Variants in TM7SF3 observed in about 807,000 individuals in gnomAD.
TM7SF3 encodes transmembrane 7 superfamily member 3.
TM7SF3 carries 60 observed loss-of-function variants against 65.5 expected under a neutral mutation model. The ratio of observed to expected loss-of-function variants is 0.92; its 90% CI spans 0.74 to 1.14. The LOEUF (loss-of-function observed/expected upper bound fraction) is 1.14, where lower values mean the gene tolerates loss of function less well. Ranked by LOEUF, TM7SF3 falls within the 50% of genes most tolerant of loss-of-function variation. The probability of loss-of-function intolerance (pLI) is 0.00; values close to 1 mark genes in which losing one functional copy is unlikely to be tolerated. For missense variants in TM7SF3, 623 were observed against 684.8 expected, an observed-to-expected ratio of 0.91 and a Z score of 1.01; for synonymous variants, 264 against 259.6, an observed-to-expected ratio of 1.02 and a Z score of -0.16.
At chr12:27,002,807 T>G (rs1940887493) in intron 2 of TM7SF3, among the ~76,000 whole-genome samples, 1 of 152,076 alleles carries the variant, frequency 6.6e-6, no homozygotes, top group Non-Finnish European at 1.5e-5. Context: ...CGTGACAGAG[T>G]CCAAAGAATA....
intron 11 of TM7SF3, 86 bp from the exon 12 acceptor site, chr12:26,974,313 T>TAAGGAG: frequency 7.3e-7 from 1 of 1,375,362 alleles, no homozygotes. Context: ...ACTAAATCTG[T>TAAGGAG]ATATTCCTTT....
intron 6 of TM7SF3, among the ~76,000 whole-genome samples, chr12:26,986,038 C>T (rs1043182430): frequency 1.3e-5 from 2 of 151,218 alleles, no homozygotes; most frequent in African/African-American, 4.9e-5. Flanking sequence ...CTGTGTTAGC[C>T]AGGATGGTCT....
intron 5 of TM7SF3, among the ~76,000 whole-genome samples, chr12:26,994,686 G>C (rs1044742000): frequency 4.6e-5 from 7 of 152,224 alleles, no homozygotes; most frequent in African/African-American, 1.7e-4. Flanking sequence ...TTCTGATTCA[G>C]TAGTTCCAGG....
chr12:26,984,026 G>A (rs1226035398), intron 6 of TM7SF3, among the ~76,000 whole-genome samples: 1 of 152,144 alleles, frequency 6.6e-6, no homozygotes, highest in African/African-American at 2.4e-5. Context: ...TCAGAATGGA[G>A]AAACCATGAA....
At chr12:27,006,149 T>C (rs1941026011) in intron 1 of TM7SF3, among the ~76,000 whole-genome samples, 1 of 147,548 alleles carries the variant, frequency 6.8e-6, no homozygotes, top group African/African-American at 2.5e-5. Context: ...TCTTTTTTTT[T>C]TTTTTTTTGA....
intron 6 of TM7SF3, among the ~76,000 whole-genome samples, chr12:26,985,666 TATATATATATATAC>T (rs1317862275): frequency 5.7e-5 from 7 of 123,630 alleles, no homozygotes; most frequent in Admixed American, 5.3e-4. Flanking sequence ...TATATATATA[TATATATATATATAC>T]ACACACACAA....
At chr12:27,002,062 G>A (rs148135300) in intron 2 of TM7SF3, among the ~76,000 whole-genome samples, 39 of 152,046 alleles carry the variant, frequency 2.6e-4, no homozygotes, top group African/African-American at 6.5e-4. Flanking sequence ...ACGCACACAC[G>A]TGCACAACCA....
intron 5 of TM7SF3, 91 bp from the exon 6 acceptor site, chr12:26,990,718 T>C (rs953925042): frequency 1.7e-5 from 16 of 935,188 alleles, no homozygotes; most frequent in Non-Finnish European, 2.6e-5. Flanking sequence ...TTAAATGGTA[T>C]ATTCATAAAT....
chr12:26,999,801 T>C, intron 2 of TM7SF3, 125 bp from the exon 3 acceptor site: 4 of 954,074 alleles, frequency 4.2e-6, no homozygotes, highest in Non-Finnish European at 6.1e-6. Context: ...AAACCTTCCT[T>C]AAATAACCAG....
At chr12:26,974,482 G>T (rs917061492) in intron 11 of TM7SF3, among the ~76,000 whole-genome samples, 2 of 152,162 alleles carry the variant, frequency 1.3e-5, no homozygotes, top group African/African-American at 4.8e-5. Flanking sequence ...TCAGTTGTTT[G>T]GATCCTTGGC....
chr12:26,986,738 C>T (rs905076617), intron 6 of TM7SF3, among the ~76,000 whole-genome samples: 1 of 152,198 alleles, frequency 6.6e-6, no homozygotes, highest in African/African-American at 2.4e-5. Context: ...GTGCTCCCAG[C>T]TCCTATTTGT....
intron 1 of TM7SF3, 147 bp from the exon 2 acceptor site, chr12:27,003,537 A>G (rs1355896233): frequency 4.1e-6 from 3 of 738,006 alleles, no homozygotes; most frequent in African/African-American, 3.6e-5. Context: ...TGCTAAAGAC[A>G]ATGTGGCTTA....
At chr12:26,975,969 A>C (rs1939545902) in intron 10 of TM7SF3, among the ~76,000 whole-genome samples, 1 of 152,182 alleles carries the variant, frequency 6.6e-6, no homozygotes, top group African/African-American at 2.4e-5. Flanking sequence ...GAAACTAATG[A>C]CCCATCAGGT....
At chr12:27,011,871 A>G (rs562719264) in intron 1 of TM7SF3, among the ~76,000 whole-genome samples, 1 of 152,340 alleles carries the variant, frequency 6.6e-6, no homozygotes, top group South Asian at 2.1e-4. Context: ...GAAAAAAATT[A>G]ATTTCTCAAT....
chr12:26,991,858 A>AT (rs1458288303), intron 5 of TM7SF3, among the ~76,000 whole-genome samples: 2 of 152,204 alleles, frequency 1.3e-5, no homozygotes, highest in African/African-American at 4.8e-5. Context: ...TAAGTTACAG[A>AT]TATCATGACA....
At chr12:26,976,999 T>C (rs1939596308) in intron 9 of TM7SF3, among the ~76,000 whole-genome samples, 1 of 152,192 alleles carries the variant, frequency 6.6e-6, no homozygotes, top group Non-Finnish European at 1.5e-5. Context: ...AGAACAAATA[T>C]ATGAGAACTC....
At position 26,974,101 on chromosome 12, in the gene TM7SF3, C is replaced by G; in HGVS notation, c.1577G>C (p.Arg526Pro). 2.5e-6 allele frequency: 4 copies of G among 1,614,168 alleles called. No individual in the cohort carries two copies. The highest frequency in any genetic ancestry group is 3.4e-6 in the Non-Finnish European group (4 of 1,180,024). Residue 526 changes from arginine to proline, a missense_variant, in exon 12 of 12, where the codon CGC becomes CCC. Coordinates refer to ENST00000343028, the MANE Select transcript of TM7SF3 (RefSeq NM_016551.3). ...PYKLWKQERERRVTNILDPSY... is the reference protein window; with the variant it reads ...PYKLWKQEREPRVTNILDPSY... ...AGGGTCCAGAATGTTTGTCACTCGG[C>G]GCTCTCTCTCTTGCTTCCATAACTT...
intron 9 of TM7SF3, chr12:26,979,400 T>G (rs1939710043): frequency 5.4e-6 from 1 of 186,514 alleles, no homozygotes; most frequent in African/African-American, 2.3e-5. Context: ...CACCTGGGGT[T>G]TGGCAGCGGA....
intron 9 of TM7SF3, chr12:26,978,955 CTG>C (rs1025763255): frequency 2.0e-5 from 3 of 152,046 alleles, no homozygotes; most frequent in Non-Finnish European, 4.4e-5. Flanking sequence ...CCATGTGAAT[CTG>C]TCATTTCGCC....
Sources: gnomAD v4.1 joint callset for allele counts (sites outside exome capture counted in the v4.1 genomes callset) on GRCh38, gnomAD v4.1.1 for gene constraint, MANE v1.5 for transcripts, NCBI Gene and HGNC (gene_info 2026-07-23, HGNC 2026-07-21) for gene names.